Variants in TAS2R1 observed in about 807,000 individuals in gnomAD.
TAS2R1 encodes the protein taste 2 receptor member 1.
For synonymous variants in TAS2R1, 141 were observed against 134.2 expected, an observed-to-expected ratio of 1.05 and a Z score of -0.35; for missense variants, 370 against 353.4, an observed-to-expected ratio of 1.05 and a Z score of -0.38.
intron 2 of TAS2R1, among the ~76,000 whole-genome samples, chr5:9,656,411 G>T (rs146347613): frequency 6.6e-6 from 1 of 152,276 alleles, no homozygotes; most frequent in East Asian, 1.9e-4. Context: ...ACATGATTAC[G>T]TCCAAGATCT....
chr5:9,721,993 C>G, the TAS2R1 span, among the ~76,000 whole-genome samples: 1 of 152,206 alleles, frequency 6.6e-6, no homozygotes, highest in Non-Finnish European at 1.5e-5. Flanking sequence ...AGACCAGTAA[C>G]TTAACTTGCT....
At chr5:9,640,653 C>T (rs1740064563) in intron 2 of TAS2R1, among the ~76,000 whole-genome samples, 1 of 152,114 alleles carries the variant, frequency 6.6e-6, no homozygotes, top group Non-Finnish European at 1.5e-5. Flanking sequence ...TCTATCACTG[C>T]ACCTGTCCTT....
the TAS2R1 span, among the ~76,000 whole-genome samples, chr5:9,818,255 G>C: frequency 1.3e-5 from 2 of 152,168 alleles, no homozygotes; most frequent in Non-Finnish European, 2.9e-5. Flanking sequence ...AGGGGAGGCT[G>C]TCAGTGAAGA....
At chr5:9,689,474 G>A (rs1014236036) in intron 1 of TAS2R1, among the ~76,000 whole-genome samples, 21 of 152,098 alleles carry the variant, frequency 1.4e-4, no homozygotes, top group African/African-American at 5.1e-4. Context: ...GGGATTCAGA[G>A]CTATGGCCGC....
chr5:9,780,071 C>G, the TAS2R1 span, among the ~76,000 whole-genome samples: 1 of 152,214 alleles, frequency 6.6e-6, no homozygotes. Context: ...GGCCCCTTTT[C>G]TCTCCTGCAC....
upstream of TAS2R1, among the ~76,000 whole-genome samples, chr5:9,715,260 C>T (rs1734784223): frequency 1.3e-5 from 2 of 152,180 alleles, no homozygotes; most frequent in East Asian, 3.8e-4. Flanking sequence ...CTGAATAATT[C>T]TGAAGATGGG....
chr5:9,875,058 T>C, the TAS2R1 span, among the ~76,000 whole-genome samples: 1 of 152,114 alleles, frequency 6.6e-6, no homozygotes, highest in Non-Finnish European at 1.5e-5. Context: ...TCAACAGGGA[T>C]TGAAATTAAA....
the TAS2R1 span, among the ~76,000 whole-genome samples, chr5:9,725,509 A>G: frequency 3.9e-5 from 6 of 152,184 alleles, no homozygotes; most frequent in African/African-American, 1.4e-4. Context: ...GTGCCGGCCT[A>G]CCGGCGCTGC....
chr5:9,802,498 T>A, the TAS2R1 span, among the ~76,000 whole-genome samples: 1 of 152,166 alleles, frequency 6.6e-6, no homozygotes, highest in African/African-American at 2.4e-5. Flanking sequence ...AAAGCAATTC[T>A]GCTAATATGA....
At chr5:9,765,189 T>C in the TAS2R1 span, among the ~76,000 whole-genome samples, 1 of 152,136 alleles carries the variant, frequency 6.6e-6, no homozygotes, top group African/African-American at 2.4e-5. Flanking sequence ...CAGATGGCTC[T>C]TCTATAATAA....
intron 2 of TAS2R1, among the ~76,000 whole-genome samples, chr5:9,658,152 C>T (rs1162457345): frequency 1.3e-5 from 2 of 152,142 alleles, no homozygotes; most frequent in African/African-American, 4.8e-5. Context: ...ATAATAGTAG[C>T]TAACACATAC....
the TAS2R1 span, among the ~76,000 whole-genome samples, chr5:9,859,675 G>A: frequency 0.1 from 15,878 of 152,090 alleles, 936 homozygotes; most frequent in East Asian, 0.21. Context: ...GATAAAAGCC[G>A]CCCATTAGAA....
At chr5:9,719,933 A>AAAC in the TAS2R1 span, among the ~76,000 whole-genome samples, 1 of 133,640 alleles carries the variant, frequency 7.5e-6, no homozygotes, top group East Asian at 2.2e-4. Flanking sequence ...AAAAAAAAAA[A>AAAC]AAAAACAAAA....
At chr5:9,842,592 G>A in the TAS2R1 span, among the ~76,000 whole-genome samples, 508 of 152,112 alleles carry the variant, frequency 3.3e-3, 3 homozygotes, top group Non-Finnish European at 5.7e-3. Flanking sequence ...CAAAGAGCTG[G>A]GATTACAGGC....
intron 1 of TAS2R1, among the ~76,000 whole-genome samples, chr5:9,669,651 C>T (rs1740711662): frequency 6.6e-6 from 1 of 152,166 alleles, no homozygotes; most frequent in African/African-American, 2.4e-5. Flanking sequence ...CAACCTGCTT[C>T]TGAATGACTT....
At chr5:9,817,418 T>C in the TAS2R1 span, among the ~76,000 whole-genome samples, 1 of 152,236 alleles carries the variant, frequency 6.6e-6, no homozygotes, top group African/African-American at 2.4e-5. Flanking sequence ...CACTTTTTGA[T>C]TGCACAGTAA....
the TAS2R1 span, among the ~76,000 whole-genome samples, chr5:9,783,250 G>A: frequency 4.6e-5 from 7 of 152,138 alleles, no homozygotes; most frequent in Non-Finnish European, 7.3e-5. Context: ...ATCTCACTCA[G>A]GCATCTGCAA....
At chr5:9,879,088 G>A in the TAS2R1 span, among the ~76,000 whole-genome samples, 1 of 152,264 alleles carries the variant, frequency 6.6e-6, no homozygotes, top group Admixed American at 6.5e-5. Flanking sequence ...CTATGGTGAG[G>A]CAGGTGAGGA....
the TAS2R1 span, among the ~76,000 whole-genome samples, chr5:9,895,470 G>A: frequency 3.3e-5 from 5 of 152,212 alleles, no homozygotes; most frequent in South Asian, 2.1e-4. Context: ...TGGCTGAGCC[G>A]GGCAGCAGGC....
Sources: gnomAD v4.1 joint callset for allele counts (sites outside exome capture counted in the v4.1 genomes callset) on GRCh38, gnomAD v4.1.1 for gene constraint, MANE v1.5 for transcripts, NCBI Gene and HGNC (gene_info 2026-07-23, HGNC 2026-07-21) for gene names.